Variants in NDUFV2 observed in about 807,000 individuals in gnomAD.
The protein encoded by NDUFV2 is NADH:ubiquinone oxidoreductase core subunit V2, also known as NADH dehydrogenase [ubiquinone] flavoprotein 2, mitochondrial.
Under a neutral mutation model 31.6 loss-of-function variants are expected in NDUFV2, and 18 were observed. The observed-to-expected ratio is 0.57, with a 90% CI of 0.39 to 0.84. The LOEUF (loss-of-function observed/expected upper bound fraction) is 0.84, where lower values mean the gene tolerates loss of function less well. Among genes scored for constraint, NDUFV2 ranks in the 40% least tolerant of loss-of-function variants. NDUFV2 has a pLI of 0.00. For missense variants in NDUFV2, 314 were observed against 303.6 expected, an observed-to-expected ratio of 1.03 and a Z score of -0.26; for synonymous variants, 83 against 99.8, an observed-to-expected ratio of 0.83 and a Z score of 1.01.
intron 1 of NDUFV2, among the ~76,000 whole-genome samples, chr18:9,108,196 T>C (rs1343540264): frequency 1.3e-5 from 2 of 152,228 alleles, no homozygotes; most frequent in East Asian, 3.8e-4. Flanking sequence ...AGCTTTTCTA[T>C]AATATAAAAT....
intron 4 of NDUFV2, among the ~76,000 whole-genome samples, chr18:9,120,064 G>C (rs987366208): frequency 6.6e-6 from 1 of 152,016 alleles, no homozygotes; most frequent in South Asian, 2.1e-4. Flanking sequence ...TGGAATCAAC[G>C]ACCTATAGAA....
At chr18:9,125,062 T>C (rs755289681) in intron 6 of NDUFV2, 79 bp downstream of exon 6, 334 of 1,444,026 alleles carry the variant, frequency 2.3e-4, no homozygotes, top group Middle Eastern at 3.5e-4. Context: ...TTTGTGTCCT[T>C]AGATGTTGGT....
At chr18:9,107,880 GT>G (rs2077849607) in intron 1 of NDUFV2, among the ~76,000 whole-genome samples, 1 of 152,094 alleles carries the variant, frequency 6.6e-6, no homozygotes, top group African/African-American at 2.4e-5. Flanking sequence ...AGAGGAGGAG[GT>G]TAACCTTGGT....
At chr18:9,124,282 G>A (rs2077967151) in intron 5 of NDUFV2, among the ~76,000 whole-genome samples, 2 of 146,990 alleles carry the variant, frequency 1.4e-5, no homozygotes, top group African/African-American at 5.1e-5. Flanking sequence ...TTTTACTACT[G>A]TAAAAAAATT....
chr18:9,129,116 T>C (rs566434470), intron 7 of NDUFV2, among the ~76,000 whole-genome samples: 4 of 152,324 alleles, frequency 2.6e-5, no homozygotes, highest in African/African-American at 9.6e-5. Context: ...AATTTTTGTA[T>C]TTTTAGTAGA....
intron 1 of NDUFV2, chr18:9,104,052 A>G (rs2077828709): frequency 8.4e-7 from 1 of 1,193,162 alleles, no homozygotes; most frequent in South Asian, 1.4e-5. Context: ...ACAGTGTTAG[A>G]GAGATGAATA....
rs146888086 is a variant in NDUFV2, at chr18:9,134,073, T to A, written c.657-113T>A. The stretch of plus-strand genomic sequence containing the variant: ...GTTTGAATTAAATAATCTATGCTAG[T>A]TCTTAGGGTAAAAATAGTTACTTAA... On this transcript the variant is annotated intron_variant, in intron 7 of 7. Transcript: ENST00000318388. 357 of 727,640 alleles carry A rather than the reference T, an allele frequency of 4.9e-4. 1 individual carries two copies. The African/African-American group carries it at 5.7e-3, about 12-fold the overall frequency. The allele number at this position is 727,640 out of a possible 1,614,324, so 45.1% of individuals were successfully genotyped here. A position where few individuals can be genotyped will look rare whatever the true frequency, so the allele number is the denominator to read the frequency against.
chr18:9,120,792 A>G (rs551780875), intron 4 of NDUFV2, among the ~76,000 whole-genome samples: 5 of 152,276 alleles, frequency 3.3e-5, no homozygotes, highest in Admixed American at 6.5e-5. Context: ...ACATTTTTTT[A>G]AATTAAAATA....
In NDUFV2 at chr18:9,121,338, C is replaced by T. The variant is rs555709999; in HGVS notation, c.301-1175C>T. The T allele has an allele frequency of 3.9e-5, 6 of 152,082 alleles. No homozygotes were observed. The South Asian group carries it at 1.2e-3, about 32-fold the overall frequency. The allele number at this position is 152,082 out of a possible 1,614,324, so 9.4% of individuals were successfully genotyped here. ...GATGTGCAGAATTCCAGGAAGGAGT[C>T]TTTTCCTAATTAGACAGTCAGAGCC... On this transcript the variant is annotated intron_variant, in intron 4 of 7. Transcript: ENST00000318388.
At chr18:9,132,455 T>G (rs2078048214) in intron 7 of NDUFV2, 2 of 152,182 alleles carry the variant, frequency 1.3e-5, no homozygotes, top group Non-Finnish European at 2.9e-5. Flanking sequence ...GAGAAAAGTT[T>G]TAGGCAGAAA....
intron 1 of NDUFV2, among the ~76,000 whole-genome samples, chr18:9,115,193 T>C (rs1020525018): frequency 6.6e-6 from 1 of 152,150 alleles, no homozygotes; most frequent in African/African-American, 2.4e-5. Context: ...AAATGTAAAA[T>C]AAGAGTCCCT....
intron 1 of NDUFV2, among the ~76,000 whole-genome samples, chr18:9,105,770 C>T (rs145138057): frequency 1.8e-3 from 274 of 152,254 alleles, no homozygotes; most frequent in African/African-American, 6.0e-3. Context: ...TGGGAATTTG[C>T]AAGACAGGCA....
intron 1 of NDUFV2, among the ~76,000 whole-genome samples, chr18:9,104,593 A>G (rs1394037903): frequency 6.6e-6 from 1 of 152,206 alleles, no homozygotes; most frequent in Non-Finnish European, 1.5e-5. Context: ...TTTTAATGAA[A>G]AAGAACAACT....
Position 9,104,929 on chromosome 18 carries a change from G to T in NDUFV2, c.54+2132G>T. On this transcript the variant is annotated intron_variant, in intron 1 of 7. Transcript: ENST00000318388. Reference sequence around the variant, plus strand: ...AAATTACCATTGTTAACATTTTGATGTCTACACATAACAGACCTTACAGAC... The same window carrying T: ...AAATTACCATTGTTAACATTTTGATTTCTACACATAACAGACCTTACAGAC... 2.0e-6 allele frequency: 3 copies of T among 1,520,278 alleles called. No homozygotes were observed. The South Asian group carries it at 3.8e-5, about 19-fold the overall frequency. The allele number at this position is 1,520,278 out of a possible 1,614,324, so 94.2% of individuals were successfully genotyped here.
rs773420682 is a variant in NDUFV2, at chr18:9,126,911, T to C, written c.656+4T>C. 1.9e-6 allele frequency: 3 copies of C among 1,611,880 alleles called. No homozygotes were observed. The South Asian group carries it at 3.3e-5, about 18-fold the overall frequency. On this transcript the variant is annotated splice_donor_region_variant and intron_variant, in intron 7 of 7. Transcript: ENST00000318388. ...AAATCCCAAAACCAGGGCCAAGGTA[T>C]GCTTTATTTATATATAGGAAGTTTT...
chr18:9,126,022 GT>G (rs2077987652), intron 6 of NDUFV2, among the ~76,000 whole-genome samples: 1 of 152,222 alleles, frequency 6.6e-6, no homozygotes, highest in South Asian at 2.1e-4. Flanking sequence ...CTGAAGCAAA[GT>G]TTGCTTGATG....
rs1314974101 is a variant in NDUFV2, at chr18:9,124,932, T to C, written c.528T>C (p.Cys176=). The C allele has an allele frequency of 1.9e-6, 3 of 1,613,430 alleles. No individual in the cohort carries two copies. Among genetic ancestry groups the C allele is most frequent in the Non-Finnish European group, 2.5e-6 (3 of 1,179,652 alleles). The change falls in exon 6 of 8, where the codon TGT becomes TGC. Residue 176 remains cysteine (C), a synonymous_variant. Coordinates refer to ENST00000318388, the MANE Select transcript of NDUFV2 (RefSeq NM_021074.5). ...DKLFTLIEVE[C]LGACVNAPMV... ...TTTTCACTCTTATAGAAGTGGAATG[T>C]TTAGGGGCCTGTGTGAACGCACCAA...
At chr18:9,131,727 A>G (rs1455112963) in intron 7 of NDUFV2, among the ~76,000 whole-genome samples, 1 of 152,254 alleles carries the variant, frequency 6.6e-6, no homozygotes, top group Non-Finnish European at 1.5e-5. Context: ...ATAAGTTAAA[A>G]TGGTACACAT....
Position 9,122,563 on chromosome 18 carries a change from T to G in NDUFV2, c.351T>G (p.Thr117=). ...VPPMRVYEVA[T]FYTMYNRKPV... ...CAATGAGAGTATATGAAGTAGCAACTTTTTATACAATGTATAATCGAAAGC... is the reference window on the plus strand; with the variant it reads ...CAATGAGAGTATATGAAGTAGCAACGTTTTATACAATGTATAATCGAAAGC... The change falls in exon 5 of 8, where the codon ACT becomes ACG. Residue 117 remains threonine, a synonymous_variant. Coordinates refer to ENST00000318388, the MANE Select transcript of NDUFV2 (RefSeq NM_021074.5). 2 of 1,614,046 alleles carry G rather than the reference T, an allele frequency of 1.2e-6. No homozygotes were observed. Among genetic ancestry groups the G allele is most frequent in the Non-Finnish European group, 8.5e-7 (1 of 1,179,934 alleles).
Sources: gnomAD v4.1 joint callset for allele counts (sites outside exome capture counted in the v4.1 genomes callset) on GRCh38, gnomAD v4.1.1 for gene constraint, MANE v1.5 for transcripts, NCBI Gene and HGNC (gene_info 2026-07-23, HGNC 2026-07-21) for gene names.